IGF1R: variants seen among roughly 807,000 people sequenced by gnomAD.
IGF1R encodes insulin-like growth factor 1 receptor.
Under a neutral mutation model 144.6 loss-of-function variants are expected in IGF1R, and 44 were observed. The ratio of observed to expected loss-of-function variants is 0.30; its 90% CI spans 0.24 to 0.39. The LOEUF (loss-of-function observed/expected upper bound fraction) is 0.39, where lower values mean the gene tolerates loss of function less well. Ranked by LOEUF, IGF1R falls within the 10% of genes least tolerant of loss-of-function variation. IGF1R has a pLI of 1.00. For synonymous variants in IGF1R, 795 were observed against 722.8 expected (o/e 1.10, Z -1.60); for missense variants, 1,355 against 1,833.7 (o/e 0.74, Z 4.77).
intron 2 of IGF1R, among the ~76,000 whole-genome samples, chr15:98,837,072 T>A (rs953406917): frequency 2.0e-5 from 3 of 152,182 alleles, no homozygotes; most frequent in Admixed American, 1.3e-4. Flanking sequence ...AGATGTCTCG[T>A]TTCTCTTTTT....
intron 2 of IGF1R, among the ~76,000 whole-genome samples, chr15:98,815,286 T>G (rs2056672919): frequency 6.6e-6 from 1 of 152,184 alleles, no homozygotes; most frequent in African/African-American, 2.4e-5. Flanking sequence ...TGGGGAACAA[T>G]GGCTGTCTTT....
intron 2 of IGF1R, among the ~76,000 whole-genome samples, chr15:98,820,017 C>A (rs544609693): frequency 3.9e-5 from 6 of 152,206 alleles, no homozygotes; most frequent in Non-Finnish European, 7.4e-5. Context: ...ATCTCATAGA[C>A]CCCCTGAAAA....
intron 2 of IGF1R, among the ~76,000 whole-genome samples, chr15:98,868,696 G>A (rs1268683025): frequency 6.6e-6 from 1 of 152,162 alleles, no homozygotes; most frequent in Non-Finnish European, 1.5e-5. Flanking sequence ...TTGTGCCTCA[G>A]GCTCTGGTTC....
At chr15:98,673,735 A>G (rs949336902) in intron 1 of IGF1R, among the ~76,000 whole-genome samples, 2 of 152,200 alleles carry the variant, frequency 1.3e-5, no homozygotes, top group South Asian at 2.1e-4. Flanking sequence ...GGTGCTCTGA[A>G]TGAGCAGATG....
chr15:98,691,715 C>T (rs2053481352), intron 1 of IGF1R, among the ~76,000 whole-genome samples: 2 of 152,102 alleles, frequency 1.3e-5, no homozygotes, highest in Admixed American at 6.5e-5. Flanking sequence ...AGCAAGACCA[C>T]AGAGCTGAAA....
At chr15:98,884,875 A>G (rs761950159) in intron 2 of IGF1R, among the ~76,000 whole-genome samples, 1 of 151,892 alleles carries the variant, frequency 6.6e-6, no homozygotes, top group Non-Finnish European at 1.5e-5. Context: ...CCAAACTCCT[A>G]TTGCTGGATT....
intron 1 of IGF1R, among the ~76,000 whole-genome samples, chr15:98,674,477 A>G (rs1178155399): frequency 1.3e-5 from 2 of 152,190 alleles, no homozygotes; most frequent in East Asian, 1.9e-4. Flanking sequence ...TGAGGTCTAC[A>G]GAGCGCGTTC....
intron 5 of IGF1R, among the ~76,000 whole-genome samples, chr15:98,905,622 C>T (rs1037048749): frequency 6.6e-6 from 1 of 151,462 alleles, no homozygotes; most frequent in African/African-American, 2.4e-5. Flanking sequence ...TGTCATTGCA[C>T]CACTGCACCC....
intron 2 of IGF1R, among the ~76,000 whole-genome samples, chr15:98,858,042 C>T (rs185696919): frequency 6.6e-6 from 1 of 152,326 alleles, no homozygotes; most frequent in Admixed American, 6.5e-5. Context: ...AGCAAGTCGT[C>T]TTCTGTAACT....
intron 2 of IGF1R, among the ~76,000 whole-genome samples, chr15:98,836,189 TTCTC>T (rs1555450945): frequency 1.3e-5 from 2 of 151,916 alleles, no homozygotes; most frequent in East Asian, 3.9e-4. Flanking sequence ...ATTTTTTTTT[TTCTC>T]TCTCTCTCAG....
rs1350297683 is a variant in IGF1R at position 98,958,852 on chromosome 15, A to G, written c.*1410A>G. 4.3e-6 allele frequency: 1 copy of G among 233,388 alleles called. No homozygotes were observed. Among genetic ancestry groups the G allele is most frequent in the Non-Finnish European group, 8.5e-6 (1 of 117,994 alleles). The allele number at this position is 233,388 out of a possible 1,614,324, so 14.5% of individuals were successfully genotyped here. ...TGACTTTCTTCCTCTTTTCCCGGTA[A>G]TGGATACTTCTATCACATAATTTGC... On this transcript the variant is annotated 3_prime_UTR_variant, in exon 21 of 21. Coordinates refer to ENST00000650285, the MANE Select transcript of IGF1R (RefSeq NM_000875.5).
At chr15:98,955,396 A>G (rs962371597) in intron 20 of IGF1R, among the ~76,000 whole-genome samples, 2 of 152,236 alleles carry the variant, frequency 1.3e-5, no homozygotes, top group Non-Finnish European at 2.9e-5. Context: ...GACGTGGTAA[A>G]TAAACATTTT....
intron 2 of IGF1R, among the ~76,000 whole-genome samples, chr15:98,839,568 G>A (rs1276767619): frequency 6.6e-6 from 1 of 152,208 alleles, no homozygotes; most frequent in Non-Finnish European, 1.5e-5. Flanking sequence ...AATATTCAGC[G>A]AGACAGCCTT....
chr15:98,827,764 G>T (rs1033925195), intron 2 of IGF1R, among the ~76,000 whole-genome samples: 2 of 152,108 alleles, frequency 1.3e-5, no homozygotes, highest in East Asian at 1.9e-4. Flanking sequence ...TGTATTTTTA[G>T]TAGAGATGGG....
In IGF1R at chr15:98,960,942, C is replaced by T. The variant is rs2017201630; in HGVS notation, c.*3500C>T. 8.6e-6 allele frequency: 2 copies of T among 233,770 alleles called. No homozygotes were observed. The highest frequency in any genetic ancestry group is 5.6e-5 in the Admixed American group (1 of 17,790). 14.5% of individuals were successfully genotyped at this position (233,770 alleles called of 1,614,324 possible). A position where few individuals can be genotyped will look rare whatever the true frequency, so the allele number is the denominator to read the frequency against. Reference sequence around the variant, plus strand: ...AGGGCTGTACCTCCGTCTCCCTGGTCCTGCTGCTCACAGGACAGACGGCTC... The same window carrying T: ...AGGGCTGTACCTCCGTCTCCCTGGTTCTGCTGCTCACAGGACAGACGGCTC... On this transcript the variant is annotated 3_prime_UTR_variant, in exon 21 of 21. Coordinates refer to ENST00000650285, the MANE Select transcript of IGF1R (RefSeq NM_000875.5).
chr15:98,771,734 T>A (rs1010475960), intron 2 of IGF1R, among the ~76,000 whole-genome samples: 1 of 27,174 alleles, frequency 3.7e-5, no homozygotes, highest in Non-Finnish European at 2.3e-4. Context: ...AAATGAAACA[T>A]GAAAAGGGAA....
intron 2 of IGF1R, among the ~76,000 whole-genome samples, chr15:98,743,570 A>T (rs1270214205): frequency 6.6e-6 from 1 of 152,180 alleles, no homozygotes; most frequent in Non-Finnish European, 1.5e-5. Context: ...GAAAAGAAAT[A>T]ATGTGGAAAG....
At chr15:98,942,890 G>GCGTGTGACTCTGCGCCCTCTCTTCCCTTA in intron 18 of IGF1R, 33 bp from the exon 19 acceptor site, 1 of 1,613,746 alleles carries the variant, frequency 6.2e-7, no homozygotes, top group Non-Finnish European at 8.5e-7. Context: ...GCCTGCTCCA[G>GCGTGTGACTCTGCGCCCTCTCTTCCCTTA]CGTGTGACTC....
At chr15:98,764,263 G>C (rs1262105599) in intron 2 of IGF1R, among the ~76,000 whole-genome samples, 1 of 152,144 alleles carries the variant, frequency 6.6e-6, no homozygotes, top group Non-Finnish European at 1.5e-5. Flanking sequence ...AGAAAATCTT[G>C]TAATTTATAA....
Sources: gnomAD v4.1 joint callset for allele counts (sites outside exome capture counted in the v4.1 genomes callset) on GRCh38, gnomAD v4.1.1 for gene constraint, MANE v1.5 for transcripts, NCBI Gene and HGNC (gene_info 2026-07-23, HGNC 2026-07-21) for gene names.